Variants in DLG2 observed in about 807,000 individuals in gnomAD.
DLG2 encodes disks large homolog 2.
DLG2 carries 45 observed loss-of-function variants against 132.5 expected under a neutral mutation model. That is an observed-to-expected ratio of 0.34 (90% CI 0.27 to 0.44). The LOEUF (loss-of-function observed/expected upper bound fraction) is 0.44, where lower values mean the gene tolerates loss of function less well. DLG2 is among the 20% of genes least tolerant of loss of function. DLG2 has a pLI of 1.00. For missense variants in DLG2, 1,045 were observed against 1,196.9 expected, an observed-to-expected ratio of 0.87 and a Z score of 1.87; for synonymous variants, 424 against 419.6, an observed-to-expected ratio of 1.01 and a Z score of -0.13.
chr11:84,167,200 TGACA>T (rs746352407), intron 8 of DLG2, among the ~76,000 whole-genome samples: 3 of 152,210 alleles, frequency 2.0e-5, no homozygotes, highest in Non-Finnish European at 4.4e-5. Flanking sequence ...GGTTCTGTGG[TGACA>T]GCTGGTAGAT....
chr11:84,782,411 C>G (rs764954068), intron 6 of DLG2, among the ~76,000 whole-genome samples: 1 of 151,420 alleles, frequency 6.6e-6, no homozygotes, highest in Non-Finnish European at 1.5e-5. Context: ...TACATACACA[C>G]ATTCTCTTTC....
intron 3 of DLG2, among the ~76,000 whole-genome samples, chr11:85,594,169 CTAGT>C (rs1224919063): frequency 6.6e-6 from 1 of 152,142 alleles, no homozygotes; most frequent in Non-Finnish European, 1.5e-5. Context: ...AATGAAAGGG[CTAGT>C]TAAAGCTGCC....
At chr11:84,429,765 C>T (rs1302643659) in intron 7 of DLG2, among the ~76,000 whole-genome samples, 1 of 152,134 alleles carries the variant, frequency 6.6e-6, no homozygotes, top group Non-Finnish European at 1.5e-5. Flanking sequence ...ATTAATCTTG[C>T]TGTGTTGGAG....
At chr11:84,619,919 C>G (rs1414331102) in intron 6 of DLG2, among the ~76,000 whole-genome samples, 1 of 151,378 alleles carries the variant, frequency 6.6e-6, no homozygotes, top group African/African-American at 2.4e-5. Context: ...CCAAAAATAA[C>G]CCCAATAAGA....
intron 11 of DLG2, among the ~76,000 whole-genome samples, chr11:84,057,588 G>A (rs1441551134): frequency 1.3e-5 from 2 of 151,878 alleles, no homozygotes; most frequent in Non-Finnish European, 2.9e-5. Flanking sequence ...ATTTGAATTT[G>A]ACCCATGAGG....
At chr11:85,434,750 C>T (rs975199250) in intron 3 of DLG2, among the ~76,000 whole-genome samples, 1 of 152,106 alleles carries the variant, frequency 6.6e-6, no homozygotes, top group African/African-American at 2.4e-5. Flanking sequence ...GAAATACAAA[C>T]AGGAGCTGGT....
At chr11:84,770,061 G>A (rs2069047823) in intron 6 of DLG2, among the ~76,000 whole-genome samples, 1 of 152,120 alleles carries the variant, frequency 6.6e-6, no homozygotes, top group Non-Finnish European at 1.5e-5. Context: ...GGTTATGGAG[G>A]TAGATTCCCC....
At chr11:85,148,059 C>T (rs2076978711) in intron 5 of DLG2, among the ~76,000 whole-genome samples, 2 of 152,120 alleles carry the variant, frequency 1.3e-5, no homozygotes, top group Admixed American at 6.5e-5. Flanking sequence ...TAGCTTCATC[C>T]ATGTCCCTGC....
rs76225472 is a variant in DLG2, at chr11:84,260,807, T to A, written c.520-9516A>T. The stretch of plus-strand genomic sequence containing the variant: ...GTTCTGACTCTAAGCCCTTTGCTTT[T>A]CACCATTAGGCCATAATGCCTCAAA... On this transcript the variant is annotated intron_variant, in intron 7 of 27. Coordinates refer to ENST00000376104, the MANE Select transcript of DLG2 (RefSeq NM_001142699.3). Among the ~76,000 whole-genome samples, 328 of 152,342 alleles carry A rather than the reference T, an allele frequency of 2.2e-3. 1 individual carries two copies. Among genetic ancestry groups the A allele is most frequent in the African/African-American group, 7.4e-3 (307 of 41,576 alleles).
chr11:84,255,539 G>T (rs2097454472), intron 7 of DLG2, among the ~76,000 whole-genome samples: 2 of 151,988 alleles, frequency 1.3e-5, no homozygotes, highest in African/African-American at 2.4e-5. Context: ...GCCCAGGCTG[G>T]TCTCAAACTC....
chr11:83,762,641 C>T (rs2093957958), intron 18 of DLG2, among the ~76,000 whole-genome samples: 1 of 151,380 alleles, frequency 6.6e-6, no homozygotes, highest in Admixed American at 6.6e-5. Context: ...ACTGCAGTGG[C>T]ATGATCTCGG....
intron 8 of DLG2, among the ~76,000 whole-genome samples, chr11:84,228,897 A>G (rs1265551812): frequency 6.6e-6 from 1 of 152,150 alleles, no homozygotes; most frequent in Non-Finnish European, 1.5e-5. Flanking sequence ...AGCCTTGGGT[A>G]TAGTTTTAAA....
intron 2 of DLG2, among the ~76,000 whole-genome samples, chr11:85,615,292 G>A (rs1273347863): frequency 2.6e-5 from 4 of 152,114 alleles, no homozygotes; most frequent in South Asian, 2.1e-4. Flanking sequence ...CGAGGCAGAC[G>A]GATCACTTTG....
intron 6 of DLG2, among the ~76,000 whole-genome samples, chr11:84,958,311 A>G (rs960885927): frequency 6.6e-6 from 1 of 152,196 alleles, no homozygotes; most frequent in Non-Finnish European, 1.5e-5. Context: ...GAGTAGTTGG[A>G]AAGTCCTCAA....
At chr11:84,091,714 G>A (rs2097096537) in intron 10 of DLG2, among the ~76,000 whole-genome samples, 1 of 152,184 alleles carries the variant, frequency 6.6e-6, no homozygotes, top group Admixed American at 6.5e-5. Context: ...ATTTCAGCAG[G>A]TCAGGAATCT....
chr11:84,032,923 G>A (rs1009606348), intron 11 of DLG2, among the ~76,000 whole-genome samples: 3 of 152,052 alleles, frequency 2.0e-5, no homozygotes, highest in African/African-American at 7.2e-5. Flanking sequence ...ATGATATCAC[G>A]TCTGTTTATA....
At chr11:84,453,007 A>G (rs1485881420) in intron 7 of DLG2, among the ~76,000 whole-genome samples, 2 of 151,754 alleles carry the variant, frequency 1.3e-5, no homozygotes, top group African/African-American at 4.8e-5. Context: ...TGATTTGATT[A>G]TATGAACGTA....
chr11:83,842,964 A>T (rs571455336), intron 16 of DLG2, among the ~76,000 whole-genome samples: 5 of 152,206 alleles, frequency 3.3e-5, no homozygotes, highest in African/African-American at 1.2e-4. Context: ...GAGAGGCTGT[A>T]TTGGGTAGTG....
chr11:85,497,697 C>A lies in DLG2; in HGVS notation c.40+100960G>T, dbSNP rs553430185. On this transcript the variant is annotated intron_variant, in intron 3 of 27. Transcript: ENST00000376104. Reference sequence around the variant, plus strand: ...CCAGAGAGAAAGGTCAGGTTACCCACAAAGTGAAGCCCATCAGACTAAAAG... The same window carrying A: ...CCAGAGAGAAAGGTCAGGTTACCCAAAAAGTGAAGCCCATCAGACTAAAAG... 3.9e-5 allele frequency among the ~76,000 whole-genome samples: 6 copies of A among 152,056 alleles called. No individual in the cohort carries two copies. The South Asian group carries it at 1.3e-3, about 32-fold the overall frequency.
Sources: allele counts gnomAD v4.1 joint callset (sites outside exome capture counted in the v4.1 genomes callset), GRCh38; gene constraint gnomAD v4.1.1; transcripts MANE v1.5; gene names NCBI Gene and HGNC (gene_info 2026-07-23, HGNC 2026-07-21).